Variants in GALNT13 observed in about 807,000 individuals in gnomAD.
GALNT13 encodes polypeptide N-acetylgalactosaminyltransferase 13.
In GALNT13, 28 loss-of-function variants were observed where a neutral mutation model predicts 64.2. The ratio of observed to expected loss-of-function variants is 0.44; its 90% CI spans 0.32 to 0.60. GALNT13 has a LOEUF of 0.60. GALNT13 is among the 20% of genes least tolerant of loss of function. The pLI, the probability that GALNT13 is intolerant of heterozygous loss-of-function variation, is 0.05. For synonymous variants in GALNT13, 214 were observed against 224.6 expected (o/e 0.95, Z 0.42); for missense variants, 577 against 669.8 (o/e 0.86, Z 1.53).
intron 1 of GALNT13, among the ~76,000 whole-genome samples, chr2:153,892,583 A>G (rs1031267202): frequency 6.6e-6 from 1 of 152,026 alleles, no homozygotes; most frequent in Admixed American, 6.6e-5. Flanking sequence ...TATCTAAGCA[A>G]TCTTTAATTT....
chr2:153,893,279 A>G (rs1293617784), intron 1 of GALNT13, among the ~76,000 whole-genome samples: 2 of 152,162 alleles, frequency 1.3e-5, no homozygotes, highest in African/African-American at 4.8e-5. Context: ...TTATGTTGCA[A>G]CTTTGTACTA....
At chr2:153,568,266 G>A in the GALNT13 span, among the ~76,000 whole-genome samples, 4 of 152,100 alleles carry the variant, frequency 2.6e-5, no homozygotes. Flanking sequence ...CACCCAGGCT[G>A]GAGTACAGTG....
the GALNT13 span, among the ~76,000 whole-genome samples, chr2:153,677,489 A>G: frequency 1.3e-5 from 2 of 152,128 alleles, no homozygotes; most frequent in Non-Finnish European, 2.9e-5. Context: ...ACCCAAAGCA[A>G]TTTATAGATT....
At chr2:153,946,692 C>T (rs571865580) in intron 3 of GALNT13, among the ~76,000 whole-genome samples, 1 of 98,700 alleles carries the variant, frequency 1.0e-5, no homozygotes, top group South Asian at 3.2e-4. Context: ...ACTTAATCAC[C>T]CCCCAAAGGC....
chr2:153,758,541 C>T, the GALNT13 span, among the ~76,000 whole-genome samples: 15 of 151,836 alleles, frequency 9.9e-5, no homozygotes, highest in South Asian at 2.1e-4. Flanking sequence ...ATTTACATTT[C>T]GGTAGAATTT....
the GALNT13 span, among the ~76,000 whole-genome samples, chr2:153,619,738 T>C: frequency 6.6e-6 from 1 of 152,156 alleles, no homozygotes; most frequent in Non-Finnish European, 1.5e-5. Context: ...AGAAGTCTTT[T>C]TTCTTCAGCA....
At chr2:153,325,858 G>C in the GALNT13 span, among the ~76,000 whole-genome samples, 780 of 152,302 alleles carry the variant, frequency 5.1e-3, 3 homozygotes, top group Non-Finnish European at 9.6e-3. Flanking sequence ...TGTGGTCTGA[G>C]AGACTGTTTG....
chr2:153,755,270 C>T, the GALNT13 span, among the ~76,000 whole-genome samples: 2 of 152,086 alleles, frequency 1.3e-5, no homozygotes, highest in Non-Finnish European at 2.9e-5. Context: ...GGAGAGGTTT[C>T]TCTTCTGCCA....
chr2:154,053,417 C>T (rs1338656111), intron 3 of GALNT13, among the ~76,000 whole-genome samples: 1 of 151,304 alleles, frequency 6.6e-6, no homozygotes, highest in African/African-American at 2.4e-5. Flanking sequence ...TTCTTGCCCT[C>T]TCCTTTAAAA....
chr2:153,982,689 G>A (rs1444689), intron 3 of GALNT13, among the ~76,000 whole-genome samples: 27,942 of 151,882 alleles, frequency 0.18, 4,755 homozygotes, highest in East Asian at 0.76. Flanking sequence ...TGATGAGGCT[G>A]TAACTTCTAC....
At chr2:153,529,969 C>T in the GALNT13 span, among the ~76,000 whole-genome samples, 22 of 152,024 alleles carry the variant, frequency 1.4e-4, no homozygotes, top group Non-Finnish European at 5.9e-5. Flanking sequence ...AAAGGCTTTA[C>T]TCTAAGATCT....
At chr2:154,299,452 ATACT>A (rs1488279730) in intron 8 of GALNT13, among the ~76,000 whole-genome samples, 3 of 148,390 alleles carry the variant, frequency 2.0e-5, no homozygotes, top group Non-Finnish European at 4.5e-5. Context: ...AATCAATGAA[ATACT>A]TTTTTTTTTT....
chr2:154,439,269 A>G (rs1324572410), intron 12 of GALNT13, among the ~76,000 whole-genome samples: 1 of 152,164 alleles, frequency 6.6e-6, no homozygotes, highest in Non-Finnish European at 1.5e-5. Flanking sequence ...TTTCTGACAG[A>G]GAAGAGGGAG....
chr2:154,354,441 T>C, intron 9 of GALNT13, among the ~76,000 whole-genome samples: 1 of 72,736 alleles, frequency 1.4e-5, no homozygotes, highest in Non-Finnish European at 2.8e-5. Context: ...TTTTTTTTTT[T>C]TTTGCTGTTG....
At chr2:154,262,674 C>G (rs1690762512) in intron 8 of GALNT13, among the ~76,000 whole-genome samples, 1 of 152,002 alleles carries the variant, frequency 6.6e-6, no homozygotes, top group Non-Finnish European at 1.5e-5. Flanking sequence ...ACAGACAAAA[C>G]TTTGTGCTCT....
intron 1 of GALNT13, among the ~76,000 whole-genome samples, chr2:153,890,934 C>T (rs6747086): frequency 0.24 from 37,001 of 151,920 alleles, 4,798 homozygotes; most frequent in Non-Finnish European, 0.28. Flanking sequence ...TGAAATGGAG[C>T]TAATCAAGGT....
chr2:153,078,731 T>C, the GALNT13 span, among the ~76,000 whole-genome samples: 3 of 152,236 alleles, frequency 2.0e-5, no homozygotes, highest in East Asian at 3.9e-4. Flanking sequence ...AGATCTCTAG[T>C]GTTTCTCCTT....
the GALNT13 span, among the ~76,000 whole-genome samples, chr2:153,665,932 T>C: frequency 6.6e-6 from 1 of 152,122 alleles, no homozygotes; most frequent in Non-Finnish European, 1.5e-5. Flanking sequence ...TGGACAGGGA[T>C]GCCCATCCCT....
chr2:153,945,176 A>T (rs1691633238), intron 3 of GALNT13, among the ~76,000 whole-genome samples: 1 of 152,214 alleles, frequency 6.6e-6, no homozygotes. Flanking sequence ...AGATAATTTC[A>T]AGTATACTGT....
Sources: gnomAD v4.1 joint callset for allele counts (sites outside exome capture counted in the v4.1 genomes callset) on GRCh38, gnomAD v4.1.1 for gene constraint, MANE v1.5 for transcripts, NCBI Gene and HGNC (gene_info 2026-07-23, HGNC 2026-07-21) for gene names.